The following MAML2 variants were observed in gnomAD, a reference collection of about 807,000 sequenced individuals.
The protein encoded by MAML2 is mastermind like transcriptional coactivator 2, also known as mastermind-like protein 2.
A neutral mutation model predicts 96.1 loss-of-function variants in MAML2; 22 were observed. The observed-to-expected ratio is 0.23, with a 90% confidence interval of 0.16 to 0.33. MAML2 has a LOEUF of 0.33. Ranked by LOEUF, MAML2 falls within the 10% of genes least tolerant of loss-of-function variation. The probability of loss-of-function intolerance (pLI) is 1.00; values close to 1 mark genes in which losing one functional copy is unlikely to be tolerated. For missense variants in MAML2, 1,367 were observed against 1,392.4 expected, an observed-to-expected ratio of 0.98 and a Z score of 0.29; for synonymous variants, 561 against 521.3, an observed-to-expected ratio of 1.08 and a Z score of -1.04.
At chr11:96,216,458 T>C (rs974268412) in intron 1 of MAML2, among the ~76,000 whole-genome samples, 1 of 152,208 alleles carries the variant, frequency 6.6e-6, no homozygotes, top group East Asian at 1.9e-4. Context: ...TCACTTCTCT[T>C]GATTGCACCA....
intron 1 of MAML2, among the ~76,000 whole-genome samples, chr11:96,202,629 A>AC (rs1192621129): frequency 6.9e-6 from 1 of 144,648 alleles, no homozygotes; most frequent in Admixed American, 7.0e-5. Context: ...TCCAGATGAA[A>AC]TTTTTTTTTT....
chr11:96,246,001 C>CGTGTTTTACTTTTTAA (rs1555029523), intron 1 of MAML2, among the ~76,000 whole-genome samples: 1 of 152,232 alleles, frequency 6.6e-6, no homozygotes, highest in South Asian at 2.1e-4. Flanking sequence ...CTGTGCCCAG[C>CGTGTTTTACTTTTTAA]TGCTTAATTC....
At chr11:96,319,167 G>T (rs1443870582) in intron 1 of MAML2, among the ~76,000 whole-genome samples, 1 of 152,190 alleles carries the variant, frequency 6.6e-6, no homozygotes, top group Non-Finnish European at 1.5e-5. Context: ...AAGGAACTGA[G>T]GCCTCCGGTC....
In MAML2 at chr11:96,062,970, G is replaced by T. The variant is rs79244110; in HGVS notation, c.2139+28922C>A. 2.2e-3 allele frequency among the ~76,000 whole-genome samples: 331 copies of T among 152,100 alleles called. 1 individual carries two copies. The highest frequency in any genetic ancestry group is 7.5e-3 in the African/African-American group (311 of 41,510). The stretch of plus-strand genomic sequence containing the variant: ...CCAACCTAATAACAGCTTTTTCAAT[G>T]GCTTCCCATTGATTTTAGGATAAAA... On this transcript the variant is annotated intron_variant, in intron 2 of 4. Transcript: ENST00000524717.
At chr11:96,309,728 C>T (rs966126095) in intron 1 of MAML2, among the ~76,000 whole-genome samples, 1 of 146,130 alleles carries the variant, frequency 6.8e-6, no homozygotes, top group Admixed American at 6.9e-5. Context: ...GACAGGGTCT[C>T]ACTCTGCCAC....
At chr11:96,335,621 G>A (rs144832315) in intron 1 of MAML2, among the ~76,000 whole-genome samples, 19 of 152,306 alleles carry the variant, frequency 1.2e-4, no homozygotes, top group African/African-American at 4.6e-4. Context: ...CTTAGGCAAT[G>A]CGCTGTGAGA....
intron 1 of MAML2, among the ~76,000 whole-genome samples, chr11:96,189,069 G>T (rs77045461): frequency 0.12 from 11,880 of 100,030 alleles, 547 homozygotes; most frequent in Non-Finnish European, 0.16. Flanking sequence ...AAACTGTTTT[G>T]TTTTTTTTTT....
intron 1 of MAML2, among the ~76,000 whole-genome samples, chr11:96,217,689 G>T (rs1014020707): frequency 1.3e-5 from 2 of 152,230 alleles, no homozygotes; most frequent in African/African-American, 4.8e-5. Context: ...ATATACCTGA[G>T]AATACATTAC....
intron 1 of MAML2, among the ~76,000 whole-genome samples, chr11:96,157,232 C>G (rs1591044972): frequency 6.6e-6 from 1 of 152,226 alleles, no homozygotes. Context: ...AGCTTCCTTT[C>G]TAATAGGAAG....
chr11:96,211,229 C>G (rs958992116), intron 1 of MAML2, among the ~76,000 whole-genome samples: 3 of 151,984 alleles, frequency 2.0e-5, no homozygotes, highest in Admixed American at 2.0e-4. Context: ...GATATCAACA[C>G]CATTTATGAA....
At chr11:96,203,917 C>T (rs16923255) in intron 1 of MAML2, among the ~76,000 whole-genome samples, 1 of 152,182 alleles carries the variant, frequency 6.6e-6, no homozygotes, top group Admixed American at 6.5e-5. Flanking sequence ...AGTGAGTGCT[C>T]TCACAGGAAA....
chr11:96,090,634 G>T (rs896430153), intron 2 of MAML2, among the ~76,000 whole-genome samples: 2 of 152,136 alleles, frequency 1.3e-5, no homozygotes, highest in African/African-American at 4.8e-5. Flanking sequence ...ACATATGTGT[G>T]TATATATATG....
At chr11:96,307,942 G>T (rs1440949357) in intron 1 of MAML2, among the ~76,000 whole-genome samples, 5 of 152,136 alleles carry the variant, frequency 3.3e-5, no homozygotes, top group Non-Finnish European at 7.3e-5. Flanking sequence ...ATTTTATAGG[G>T]GAAAGGAAGA....
chr11:96,178,309 C>T (rs1367434373), intron 1 of MAML2, among the ~76,000 whole-genome samples: 1 of 152,024 alleles, frequency 6.6e-6, no homozygotes, highest in Non-Finnish European at 1.5e-5. Context: ...CACATGAGTG[C>T]CTTGTTTTTA....
At chr11:96,057,356 C>T (rs1179461731) in intron 2 of MAML2, among the ~76,000 whole-genome samples, 3 of 152,174 alleles carry the variant, frequency 2.0e-5, no homozygotes, top group East Asian at 1.9e-4. Context: ...GCCAAAATAA[C>T]GTCATTTATC....
At chr11:96,164,752 G>A (rs1861165163) in intron 1 of MAML2, among the ~76,000 whole-genome samples, 1 of 152,166 alleles carries the variant, frequency 6.6e-6, no homozygotes, top group African/African-American at 2.4e-5. Context: ...TGTACCCTTT[G>A]ATGTACAATG....
chr11:96,119,878 A>T (rs988102855), intron 1 of MAML2, among the ~76,000 whole-genome samples: 3 of 152,254 alleles, frequency 2.0e-5, no homozygotes, highest in Non-Finnish European at 4.4e-5. Flanking sequence ...GAGAGGGCAT[A>T]GGCCCTAAAT....
chr11:96,137,535 A>G (rs1004331140), intron 1 of MAML2, among the ~76,000 whole-genome samples: 1 of 152,242 alleles, frequency 6.6e-6, no homozygotes, highest in Admixed American at 6.5e-5. Context: ...GGAGCCAGAA[A>G]GAGTTTCCTC....
chr11:96,270,877 A>G (rs940128972), intron 1 of MAML2, among the ~76,000 whole-genome samples: 1 of 152,212 alleles, frequency 6.6e-6, no homozygotes, highest in African/African-American at 2.4e-5. Flanking sequence ...GGATCGGGAA[A>G]GGCAGACCCA....
Sources: allele counts gnomAD v4.1 joint callset (sites outside exome capture counted in the v4.1 genomes callset), GRCh38; gene constraint gnomAD v4.1.1; transcripts MANE v1.5; gene names NCBI Gene and HGNC (gene_info 2026-07-23, HGNC 2026-07-21).